The following SUPT3H variants were observed in gnomAD, a reference collection of about 807,000 sequenced individuals.
SUPT3H encodes the protein SPT3 homolog, SAGA and STAGA complex component, also known as transcription initiation protein SPT3 homolog.
In SUPT3H, 44 loss-of-function variants were observed where a neutral mutation model predicts 44.3. The ratio of observed to expected loss-of-function variants is 0.99; its 90% CI spans 0.78 to 1.28. The LOEUF (loss-of-function observed/expected upper bound fraction) is 1.28. SUPT3H is among the 50% of genes most tolerant of loss of function. The pLI, the probability that SUPT3H is intolerant of heterozygous loss-of-function variation, is 0.00. For synonymous variants in SUPT3H, 124 were observed against 125.6 expected, an observed-to-expected ratio of 0.99 and a Z score of 0.09; for missense variants, 380 against 387.1, an observed-to-expected ratio of 0.98 and a Z score of 0.15.
intron 2 of SUPT3H, among the ~76,000 whole-genome samples, chr6:45,150,448 T>A (rs1806742596): frequency 6.6e-6 from 1 of 151,922 alleles, no homozygotes; most frequent in African/African-American, 2.4e-5. Flanking sequence ...ACTTAAAGAG[T>A]CTACTAAAAC....
At chr6:45,339,879 G>C (rs866355545) in intron 2 of SUPT3H, among the ~76,000 whole-genome samples, 11 of 152,120 alleles carry the variant, frequency 7.2e-5, no homozygotes, top group South Asian at 2.1e-4. Flanking sequence ...ATTGTCGAGC[G>C]TTTACTGTAC....
At chr6:44,953,252 A>C (rs1429055566) in intron 9 of SUPT3H, 58 bp downstream of exon 9, 37 of 1,296,820 alleles carry the variant, frequency 2.9e-5, no homozygotes, top group Non-Finnish European at 3.9e-5. Context: ...ACTAATGTAA[A>C]TACCAGATAT....
At chr6:45,319,808 C>A (rs1325898691) in intron 2 of SUPT3H, among the ~76,000 whole-genome samples, 1 of 152,124 alleles carries the variant, frequency 6.6e-6, no homozygotes, top group Non-Finnish European at 1.5e-5. Flanking sequence ...AATAGTTGAT[C>A]ATAGTTGTTA....
intron 2 of SUPT3H, among the ~76,000 whole-genome samples, chr6:45,110,529 A>G (rs1886345): frequency 0.52 from 79,603 of 151,642 alleles, 21,028 homozygotes; most frequent in East Asian, 0.71. Flanking sequence ...TCAAAAAACA[A>G]CAGAACCCCT....
chr6:45,266,226 G>T (rs1562825899), intron 2 of SUPT3H, among the ~76,000 whole-genome samples: 1 of 151,674 alleles, frequency 6.6e-6, no homozygotes, highest in Non-Finnish European at 1.5e-5. Flanking sequence ...GTTATTCCCG[G>T]GAGAATTACT....
intron 6 of SUPT3H, among the ~76,000 whole-genome samples, chr6:44,998,170 T>C (rs1781520552): frequency 6.6e-6 from 1 of 151,894 alleles, no homozygotes; most frequent in Non-Finnish European, 1.5e-5. Flanking sequence ...TTCTTTTCTA[T>C]GCTCTGAGAT....
At chr6:45,078,995 G>C (rs1354558086) in intron 3 of SUPT3H, among the ~76,000 whole-genome samples, 1 of 152,064 alleles carries the variant, frequency 6.6e-6, no homozygotes, top group African/African-American at 2.4e-5. Flanking sequence ...CCCCATACTT[G>C]GGAAGTTTTC....
At chr6:45,307,193 C>A (rs1163852345) in intron 2 of SUPT3H, among the ~76,000 whole-genome samples, 4 of 152,224 alleles carry the variant, frequency 2.6e-5, no homozygotes, top group Admixed American at 6.5e-5. Flanking sequence ...CCTCTGGGGG[C>A]AGGGCATAGC....
intron 2 of SUPT3H, among the ~76,000 whole-genome samples, chr6:45,196,124 T>C (rs1052217650): frequency 6.6e-6 from 1 of 152,100 alleles, no homozygotes; most frequent in African/African-American, 2.4e-5. Flanking sequence ...TAATACACAA[T>C]AGATATCTGA....
chr6:45,348,674 CAA>C (rs574845659), intron 2 of SUPT3H, among the ~76,000 whole-genome samples: 30 of 75,994 alleles, frequency 3.9e-4, no homozygotes, highest in African/African-American at 1.2e-3. Context: ...AACTCCAACT[CAA>C]AAAAAAAAAA....
chr6:44,874,755 T>C (rs1201607571), intron 10 of SUPT3H, among the ~76,000 whole-genome samples: 6 of 87,636 alleles, frequency 6.8e-5, no homozygotes, highest in East Asian at 7.1e-4. Flanking sequence ...GAAAACCCCA[T>C]CGTCTCAGCC....
intron 2 of SUPT3H, among the ~76,000 whole-genome samples, chr6:45,300,565 C>A (rs1325742487): frequency 1.3e-5 from 2 of 152,126 alleles, no homozygotes; most frequent in African/African-American, 2.4e-5. Flanking sequence ...TAATTCTACT[C>A]CTTGGTGTTA....
chr6:45,128,557 T>TATATATATATACATAC (rs1280920129), intron 2 of SUPT3H, among the ~76,000 whole-genome samples: 1 of 56,734 alleles, frequency 1.8e-5, no homozygotes, highest in African/African-American at 8.0e-5. Flanking sequence ...TATATATATA[T>TATATATATATACATAC]ACACACACAC....
At chr6:45,010,082 A>G (rs1319571635) in intron 5 of SUPT3H, among the ~76,000 whole-genome samples, 2 of 152,002 alleles carry the variant, frequency 1.3e-5, no homozygotes, top group Non-Finnish European at 2.9e-5. Context: ...AAAATATTTT[A>G]TTCTTTTTGA....
chr6:45,073,837 A>C (rs539245567), intron 3 of SUPT3H, among the ~76,000 whole-genome samples: 8 of 152,140 alleles, frequency 5.3e-5, no homozygotes, highest in South Asian at 2.1e-4. Flanking sequence ...GGGATACAGG[A>C]TAGAAGTTAG....
intron 3 of SUPT3H, among the ~76,000 whole-genome samples, chr6:45,054,681 G>A (rs144002211): frequency 5.8e-4 from 88 of 152,174 alleles, no homozygotes; most frequent in Non-Finnish European, 1.1e-3. Flanking sequence ...ATATTCCTGA[G>A]AATCTGAACA....
At chr6:45,131,865 GC>G (rs1803516105) in intron 2 of SUPT3H, among the ~76,000 whole-genome samples, 1 of 152,150 alleles carries the variant, frequency 6.6e-6, no homozygotes, top group African/African-American at 2.4e-5. Flanking sequence ...GTTTACAATA[GC>G]CCCCCTTCAT....
intron 10 of SUPT3H, among the ~76,000 whole-genome samples, chr6:44,928,694 G>C (rs1190577444): frequency 6.6e-6 from 1 of 151,174 alleles, no homozygotes; most frequent in Non-Finnish European, 1.5e-5. Flanking sequence ...AGGAGATCGA[G>C]ACCACGGTGA....
intron 6 of SUPT3H, among the ~76,000 whole-genome samples, chr6:44,972,415 G>A (rs562364208): frequency 1.3e-5 from 2 of 152,272 alleles, no homozygotes; most frequent in African/African-American, 2.4e-5. Flanking sequence ...TGTCAGCTAC[G>A]CCCCTGTGGC....
Sources: allele counts gnomAD v4.1 joint callset (sites outside exome capture counted in the v4.1 genomes callset), GRCh38; gene constraint gnomAD v4.1.1; transcripts MANE v1.5; gene names NCBI Gene and HGNC (gene_info 2026-07-23, HGNC 2026-07-21).